ADCY5: variants seen among roughly 807,000 people sequenced by gnomAD.
ADCY5 encodes adenylate cyclase 5, also known as adenylate cyclase type 5.
Under a neutral mutation model 119.7 loss-of-function variants are expected in ADCY5, and 30 were observed. That is an observed-to-expected ratio of 0.25 (90% CI 0.19 to 0.34). The LOEUF (loss-of-function observed/expected upper bound fraction) is 0.34. Ranked by LOEUF, ADCY5 falls within the 10% of genes least tolerant of loss-of-function variation. ADCY5 has a pLI of 1.00. For synonymous variants in ADCY5, 753 were observed against 762.2 expected, an observed-to-expected ratio of 0.99 and a Z score of 0.20; for missense variants, 1,324 against 1,775.2, an observed-to-expected ratio of 0.75 and a Z score of 4.57.
chr3:123,350,406 C>G lies in ADCY5; in HGVS notation c.1284+2026G>C, dbSNP rs545103396. On this transcript the variant is annotated intron_variant, in intron 2 of 20. Transcript: ENST00000462833. ...AGCAGGAAACACGACCACCAAAGGC[C>G]AACTCTCAGTAAATAGTTACTGGTG... 3.3e-5 allele frequency among the ~76,000 whole-genome samples: 5 copies of G among 152,348 alleles called. No individual in the cohort carries two copies. In the East Asian group the frequency reaches 9.6e-4, roughly 29 times the overall value.
intron 1 of ADCY5, among the ~76,000 whole-genome samples, chr3:123,410,958 C>T (rs1322532437): frequency 6.6e-6 from 1 of 152,152 alleles, no homozygotes; most frequent in East Asian, 1.9e-4. Context: ...CTTATTCAAA[C>T]TACTTAAATA....
In ADCY5 at chr3:123,303,215, G is replaced by A. The variant is rs138954200; in HGVS notation, c.2564C>T (p.Thr855Met). The change falls in exon 14 of 21, where the codon ACG (threonine) becomes ATG (methionine). Residue 855 changes from threonine to methionine, a missense_variant. Physicochemically the swap from Thr to Met is moderately conservative, Grantham distance 81. Transcript: ENST00000462833. ...VFLAAFVNMF[T>M]CNSRDLLGCL... ...GCCCAGCAGGTCCCTGGAGTTGCACGTGAACTGGGGGGAGGAAGGAGGGTG... is the reference window on the plus strand; with the variant it reads ...GCCCAGCAGGTCCCTGGAGTTGCACATGAACTGGGGGGAGGAAGGAGGGTG... The A allele has an allele frequency of 5.5e-5, 88 of 1,612,214 alleles. No individual in the cohort carries two copies. Among genetic ancestry groups the A allele is most frequent in the East Asian group, 2.0e-4 (9 of 44,828 alleles).
intron 3 of ADCY5, among the ~76,000 whole-genome samples, chr3:123,336,328 C>T (rs1242076362): frequency 6.6e-6 from 1 of 152,246 alleles, no homozygotes; most frequent in African/African-American, 2.4e-5. Context: ...AATTCTTCTT[C>T]ATCTCTCAGG....
chr3:123,285,799 G>A (rs952949655), intron 20 of ADCY5, among the ~76,000 whole-genome samples: 11 of 152,236 alleles, frequency 7.2e-5, no homozygotes, highest in Non-Finnish European at 1.2e-4. Flanking sequence ...TTTGCACAGG[G>A]ATGGAGGTGA....
chr3:123,411,284 G>A (rs1945039693), intron 1 of ADCY5, among the ~76,000 whole-genome samples: 1 of 152,204 alleles, frequency 6.6e-6, no homozygotes, highest in Admixed American at 6.5e-5. Flanking sequence ...GGCTGAGCAA[G>A]TATAAGAGCA....
Position 123,359,950 on chromosome 3 carries a change from A to G in ADCY5, c.1135-7369T>C, listed in dbSNP as rs1328990465. 2.0e-5 allele frequency among the ~76,000 whole-genome samples: 3 copies of G among 152,226 alleles called. No homozygotes were observed. In the East Asian group the frequency reaches 5.8e-4, roughly 29 times the overall value. On this transcript the variant is annotated intron_variant, in intron 1 of 20. Coordinates refer to ENST00000462833, the MANE Select transcript of ADCY5 (RefSeq NM_183357.3). ...CAGGGAACCTCAGTGGAACCCCATTAAGATATAATATAAAATAATTCAAGG... is the reference window on the plus strand; with the variant it reads ...CAGGGAACCTCAGTGGAACCCCATTGAGATATAATATAAAATAATTCAAGG...
In ADCY5 at chr3:123,291,229, CCA is replaced by C; in HGVS notation, c.3209_3210del (p.Val1070GlyfsTer16). 1 of 1,614,088 alleles carries C rather than the reference CCA, an allele frequency of 6.2e-7. No individual in the cohort carries two copies. The highest frequency in any genetic ancestry group is 8.5e-7 in the Non-Finnish European group (1 of 1,180,044). ...DELYYQSCEC[V>X]AVMFASIANF... ...TTGGCGATGGAGGCGAACATGACCGCCACACACTCACAGGACTGATAGTAGAG... is the reference window on the plus strand; with the variant it reads ...TTGGCGATGGAGGCGAACATGACCGCCACACTCACAGGACTGATAGTAGAG... On this transcript the variant is annotated frameshift_variant, in exon 18 of 21. Coordinates refer to ENST00000462833, the MANE Select transcript of ADCY5 (RefSeq NM_183357.3). LOFTEE classifies it high-confidence loss of function.
intron 17 of ADCY5, 73 bp from the exon 18 acceptor site, chr3:123,291,449 T>C: frequency 1.3e-6 from 2 of 1,532,870 alleles, no homozygotes; most frequent in South Asian, 2.6e-5. Context: ...CCTCCTCCTC[T>C]CCGTGGCCTG....
At chr3:123,411,483 A>G (rs1463221900) in intron 1 of ADCY5, among the ~76,000 whole-genome samples, 1 of 151,976 alleles carries the variant, frequency 6.6e-6, no homozygotes, top group African/African-American at 2.4e-5. Flanking sequence ...TGAGACAGAA[A>G]CTCCTGAGAC....
chr3:123,360,061 G>GT (rs71625736), intron 1 of ADCY5, among the ~76,000 whole-genome samples: 35,392 of 146,868 alleles, frequency 0.24, 4,373 homozygotes, highest in African/African-American at 0.29. Flanking sequence ...GGTGCTTAAT[G>GT]TTTTTTTTTT....
In ADCY5 at chr3:123,407,519, A is replaced by G. The variant is rs376841739; in HGVS notation, c.1134+39893T>C. Among the ~76,000 whole-genome samples, 10 of 150,864 alleles carry G rather than the reference A, an allele frequency of 6.6e-5. No individual in the cohort carries two copies. In the East Asian group the frequency reaches 1.2e-3, roughly 18 times the overall value. On this transcript the variant is annotated intron_variant, in intron 1 of 20. Coordinates refer to ENST00000462833, the MANE Select transcript of ADCY5 (RefSeq NM_183357.3). ...TCATCTCAGCACTTTGGGAGGCCAA[A>G]GCAGGAGGTATCGCTTGAGCTCAGA...
chr3:123,339,303 T>C (rs965093646), intron 3 of ADCY5, among the ~76,000 whole-genome samples: 2 of 152,268 alleles, frequency 1.3e-5, no homozygotes, highest in East Asian at 3.9e-4. Context: ...AGGTACAAGA[T>C]GAGCAAGGAG....
chr3:123,312,066 G>A (rs532581739), intron 12 of ADCY5, among the ~76,000 whole-genome samples: 1 of 152,308 alleles, frequency 6.6e-6, no homozygotes, highest in South Asian at 2.1e-4. Context: ...GTGGCTGCAG[G>A]CAGGAAAATG....
chr3:123,441,585 C>T (rs1945722720), intron 1 of ADCY5, among the ~76,000 whole-genome samples: 1 of 152,222 alleles, frequency 6.6e-6, no homozygotes, highest in African/African-American at 2.4e-5. Flanking sequence ...AATTTAGTCC[C>T]TCTTCTAATA....
intron 1 of ADCY5, among the ~76,000 whole-genome samples, chr3:123,429,948 C>T (rs1461402507): frequency 3.9e-5 from 6 of 151,992 alleles, no homozygotes; most frequent in African/African-American, 1.2e-4. Flanking sequence ...GGAGTGTCAG[C>T]GGGGGCAGCT....
In ADCY5 at chr3:123,284,510, C is replaced by A; in HGVS notation, c.*98G>T. The stretch of plus-strand genomic sequence containing the variant: ...GGAAAATCTCAGCAGCGCAGCCCTG[C>A]GGGCTGGAGCATGGCTTCCCCGCCA... On this transcript the variant is annotated 3_prime_UTR_variant, in exon 21 of 21. Transcript: ENST00000462833. 3.2e-6 allele frequency: 5 copies of A among 1,540,404 alleles called. No individual in the cohort carries two copies. Among genetic ancestry groups the A allele is most frequent in the Non-Finnish European group, 4.4e-6 (5 of 1,133,596 alleles).
Position 123,448,941 on chromosome 3 carries a change from GC to G in ADCY5, c.-397del, listed in dbSNP as rs1210346788. The G allele has an allele frequency of 5.7e-6, 1 of 174,018 alleles. No homozygotes were observed. The highest frequency in any genetic ancestry group is 6.3e-5 in the Admixed American group (1 of 15,804). 10.8% of individuals were successfully genotyped at this position (174,018 alleles called of 1,614,324 possible). A position where few individuals can be genotyped will look rare whatever the true frequency, so the allele number is the denominator to read the frequency against. On this transcript the variant is annotated 5_prime_UTR_variant, in exon 1 of 21. Transcript: ENST00000462833. Reference sequence around the variant, plus strand: ...GTCCTTGCGGGCGGTGCCTCCTCGGGCCGGCAGTGCCCGGGCGCGGCGCTCG... The same window carrying G: ...GTCCTTGCGGGCGGTGCCTCCTCGGGCGGCAGTGCCCGGGCGCGGCGCTCG...
chr3:123,418,947 T>C (rs1489511100), intron 1 of ADCY5: 1 of 161,502 alleles, frequency 6.2e-6, no homozygotes, highest in Admixed American at 6.5e-5. Flanking sequence ...ACTTACAACA[T>C]TGTCTCTCCT....
intron 12 of ADCY5, among the ~76,000 whole-genome samples, chr3:123,309,079 A>G (rs35519015): frequency 0.56 from 84,975 of 152,022 alleles, 24,406 homozygotes; most frequent in Non-Finnish European, 0.63. Flanking sequence ...GAAAAACAGG[A>G]GTGGGAACAT....
Sources: gnomAD v4.1 joint callset for allele counts (sites outside exome capture counted in the v4.1 genomes callset) on GRCh38, gnomAD v4.1.1 for gene constraint, MANE v1.5 for transcripts, NCBI Gene and HGNC (gene_info 2026-07-23, HGNC 2026-07-21) for gene names.